GDPD4: variants seen among roughly 807,000 people sequenced by gnomAD.
GDPD4 encodes the protein glycerophosphodiester phosphodiesterase 6.
GDPD4 carries 60 observed loss-of-function variants against 67.8 expected under a neutral mutation model. The ratio of observed to expected loss-of-function variants is 0.88; its 90% CI spans 0.72 to 1.10. GDPD4 has a LOEUF of 1.10. GDPD4 is among the 50% of genes least tolerant of loss of function. GDPD4 has a pLI of 0.00. For missense variants in GDPD4, 623 were observed against 613.9 expected, an observed-to-expected ratio of 1.01 and a Z score of -0.16; for synonymous variants, 212 against 210.9, an observed-to-expected ratio of 1.00 and a Z score of -0.04.
chr11:77,218,815 G>A (rs994584339), intron 16 of GDPD4, among the ~76,000 whole-genome samples: 2 of 144,116 alleles, frequency 1.4e-5, no homozygotes, highest in African/African-American at 5.2e-5. Flanking sequence ...TTGGTTCCAA[G>A]TCTTTGCTAT....
intron 16 of GDPD4, among the ~76,000 whole-genome samples, chr11:77,218,057 A>C (rs1206606885): frequency 1.3e-5 from 2 of 151,706 alleles, no homozygotes; most frequent in Non-Finnish European, 2.9e-5. Context: ...ACCTGAGTGT[A>C]ATTCGATCTG....
In GDPD4 at chr11:77,271,104, G is replaced by A. The variant is rs538410096; in HGVS notation, c.400+26C>T. 3 of 1,492,016 alleles carry A rather than the reference G, an allele frequency of 2.0e-6. No individual in the cohort carries two copies. In the East Asian group the frequency reaches 6.8e-5, roughly 34 times the overall value. The allele number at this position is 1,492,016 out of a possible 1,614,324, so 92.4% of individuals were successfully genotyped here. A position where few individuals can be genotyped will look rare whatever the true frequency, so the allele number is the denominator to read the frequency against. On this transcript the variant is annotated intron_variant, in intron 7 of 16. Transcript: ENST00000315938. ...GCTAAAGCCAGAGCTGAAGAAATAGGCAGGGTTCTGCCCTATGTGACATAC... is the reference window on the plus strand; with the variant it reads ...GCTAAAGCCAGAGCTGAAGAAATAGACAGGGTTCTGCCCTATGTGACATAC...
intron 11 of GDPD4, 114 bp downstream of exon 11, chr11:77,258,272 T>A (rs1055193709): frequency 8.9e-5 from 90 of 1,015,668 alleles, no homozygotes; most frequent in Middle Eastern, 2.5e-4. Flanking sequence ...CAAACTGGGA[T>A]GAAATCGTGT....
intron 16 of GDPD4, 127 bp downstream of exon 16, chr11:77,227,731 TCCCTCC>T: frequency 2.0e-5 from 12 of 612,688 alleles, no homozygotes; most frequent in East Asian, 3.0e-5. Context: ...CTTCCCCTGG[TCCCTCC>T]CCCAACCCCA....
At chr11:77,244,235 G>A (rs1234236327) in intron 12 of GDPD4, among the ~76,000 whole-genome samples, 3 of 152,174 alleles carry the variant, frequency 2.0e-5, no homozygotes, top group African/African-American at 2.4e-5. Flanking sequence ...GTGTTCCACC[G>A]TATTAGCCAG....
At chr11:77,240,658 C>G (rs1958645156) in intron 13 of GDPD4, among the ~76,000 whole-genome samples, 1 of 152,070 alleles carries the variant, frequency 6.6e-6, no homozygotes, top group South Asian at 2.1e-4. Flanking sequence ...CAAAAAGTGT[C>G]TGCACAGCAA....
chr11:77,242,916 ATATC>A (rs1958699239), intron 13 of GDPD4, among the ~76,000 whole-genome samples: 1 of 87,186 alleles, frequency 1.1e-5, no homozygotes, highest in African/African-American at 3.2e-5. Context: ...GAGACTTTGG[ATATC>A]TATTATCTAT....
intron 16 of GDPD4, among the ~76,000 whole-genome samples, chr11:77,223,050 T>A (rs1958258383): frequency 6.6e-6 from 1 of 152,234 alleles, no homozygotes; most frequent in Non-Finnish European, 1.5e-5. Context: ...GTAGTTCTCA[T>A]GCCATGGTTT....
chr11:77,274,039 G>A (rs578033082), intron 5 of GDPD4, among the ~76,000 whole-genome samples: 38 of 152,288 alleles, frequency 2.5e-4, no homozygotes, highest in Admixed American at 2.3e-3. Context: ...AACTGGCACA[G>A]GCAACATAAG....
chr11:77,234,962 C>CAACAGT (rs1958522537), intron 13 of GDPD4, among the ~76,000 whole-genome samples: 2 of 148,240 alleles, frequency 1.3e-5, no homozygotes, highest in Non-Finnish European at 3.0e-5. Context: ...ACATTCCCAC[C>CAACAGT]AACAGTGTCT....
chr11:77,291,622 T>C (rs1463881776), intron 1 of GDPD4, among the ~76,000 whole-genome samples: 1 of 152,246 alleles, frequency 6.6e-6, no homozygotes, highest in Non-Finnish European at 1.5e-5. Flanking sequence ...ATATCACATG[T>C]ATACAATAAA....
intron 13 of GDPD4, among the ~76,000 whole-genome samples, chr11:77,241,848 G>A (rs1161065361): frequency 6.6e-6 from 1 of 151,950 alleles, no homozygotes; most frequent in Admixed American, 6.6e-5. Flanking sequence ...CAGGAGAACT[G>A]CTTGAATCCA....
intron 1 of GDPD4, among the ~76,000 whole-genome samples, chr11:77,298,378 G>A (rs913054989): frequency 1.3e-5 from 2 of 152,186 alleles, no homozygotes; most frequent in African/African-American, 4.8e-5. Context: ...CAGGTGTGGT[G>A]GCGCACGCCT....
chr11:77,239,221 T>C (rs1958618282), intron 13 of GDPD4, among the ~76,000 whole-genome samples: 1 of 152,224 alleles, frequency 6.6e-6, no homozygotes, highest in Admixed American at 6.5e-5. Flanking sequence ...ATTCAGGACA[T>C]GGCCACAACT....
At chr11:77,276,096 T>C (rs994626317) in intron 5 of GDPD4, 65 bp downstream of exon 5, 2 of 1,132,528 alleles carry the variant, frequency 1.8e-6, no homozygotes, top group East Asian at 2.3e-5. Context: ...CCAAGGAGCA[T>C]GTTCAGGCCT....
intron 16 of GDPD4, among the ~76,000 whole-genome samples, chr11:77,220,149 G>A (rs1423405838): frequency 6.6e-6 from 1 of 152,202 alleles, no homozygotes; most frequent in African/African-American, 2.4e-5. Flanking sequence ...CATGTCATCT[G>A]CAAACAGGGA....
intron 10 of GDPD4, among the ~76,000 whole-genome samples, chr11:77,263,501 C>T (rs1379987118): frequency 6.6e-6 from 1 of 152,100 alleles, no homozygotes; most frequent in African/African-American, 2.4e-5. Context: ...AAAAATGCTC[C>T]ATTAGTCCAA....
At chr11:77,264,544 GAA>G (rs1205420918) in intron 10 of GDPD4, among the ~76,000 whole-genome samples, 3 of 152,106 alleles carry the variant, frequency 2.0e-5, no homozygotes, top group Non-Finnish European at 4.4e-5. Flanking sequence ...GCCAAATAAA[GAA>G]AGTCTTTCAA....
At chr11:77,228,013 T>G (rs1958376725) in intron 15 of GDPD4, 97 bp from the exon 16 acceptor site, 1 of 843,944 alleles carries the variant, frequency 1.2e-6, no homozygotes, top group Admixed American at 1.7e-5. Flanking sequence ...CCTTCCATCT[T>G]GAAACTTACA....
Sources: allele counts gnomAD v4.1 joint callset (sites outside exome capture counted in the v4.1 genomes callset), GRCh38; gene constraint gnomAD v4.1.1; transcripts MANE v1.5; gene names NCBI Gene and HGNC (gene_info 2026-07-23, HGNC 2026-07-21).